Variants in SPECC1 observed in about 807,000 individuals in gnomAD.
SPECC1 encodes the protein cytospin-B.
A neutral mutation model predicts 104.1 loss-of-function variants in SPECC1; 62 were observed. The ratio of observed to expected loss-of-function variants is 0.60; its 90% CI spans 0.49 to 0.74. The LOEUF (loss-of-function observed/expected upper bound fraction) is 0.74. Among genes scored for constraint, SPECC1 ranks in the 30% least tolerant of loss-of-function variants. The pLI is 0.00. For synonymous variants in SPECC1, 513 were observed against 501.6 expected, an observed-to-expected ratio of 1.02 and a Z score of -0.30; for missense variants, 1,306 against 1,310.5, an observed-to-expected ratio of 1.00 and a Z score of 0.05.
At chr17:20,192,958 A>G (rs1377084037) in intron 3 of SPECC1, among the ~76,000 whole-genome samples, 1 of 152,218 alleles carries the variant, frequency 6.6e-6, no homozygotes, top group Non-Finnish European at 1.5e-5. Flanking sequence ...TCCACAGTGC[A>G]AAGTGAAAGC....
intron 1 of SPECC1, among the ~76,000 whole-genome samples, chr17:20,013,775 T>C (rs1456689101): frequency 6.6e-6 from 1 of 152,106 alleles, no homozygotes. Flanking sequence ...AGTGCTGAGA[T>C]TACAGGCATG....
chr17:20,231,934 G>C (rs549775446), intron 6 of SPECC1, 103 bp downstream of exon 6: 1 of 1,214,246 alleles, frequency 8.2e-7, no homozygotes, highest in Non-Finnish European at 1.2e-6. Flanking sequence ...ACGTTTCCAC[G>C]GCATGGTGGG....
chr17:20,201,874 GA>G (rs1210644143), intron 3 of SPECC1, among the ~76,000 whole-genome samples: 1 of 151,974 alleles, frequency 6.6e-6, no homozygotes, highest in Non-Finnish European at 1.5e-5. Flanking sequence ...AAATACATTG[GA>G]AAATTATTTG....
intron 3 of SPECC1, among the ~76,000 whole-genome samples, chr17:20,149,292 C>T (rs1367023038): frequency 2.0e-5 from 3 of 152,142 alleles, no homozygotes; most frequent in African/African-American, 7.2e-5. Context: ...GGACTGCTGT[C>T]CTTAGAAAGG....
At chr17:20,280,978 T>C (rs1289861871) in intron 12 of SPECC1, among the ~76,000 whole-genome samples, 3 of 152,250 alleles carry the variant, frequency 2.0e-5, no homozygotes, top group Admixed American at 6.5e-5. Context: ...TAAAGTCATA[T>C]TCAGCTGCGT....
intron 3 of SPECC1, among the ~76,000 whole-genome samples, chr17:20,118,388 A>G (rs1432802145): frequency 1.3e-5 from 2 of 152,228 alleles, no homozygotes; most frequent in Admixed American, 6.5e-5. Context: ...ATGATTATTT[A>G]TAATAGTATA....
chr17:20,199,080 C>CTT (rs562975649), intron 3 of SPECC1, among the ~76,000 whole-genome samples: 50 of 76,582 alleles, frequency 6.5e-4, no homozygotes, highest in South Asian at 1.3e-3. Flanking sequence ...CTTATGGTAG[C>CTT]TTTTTTTTTT....
At chr17:20,219,245 C>T (rs2037707338) in intron 4 of SPECC1, among the ~76,000 whole-genome samples, 2 of 152,128 alleles carry the variant, frequency 1.3e-5, no homozygotes, top group Non-Finnish European at 1.5e-5. Context: ...TCCATAGTGG[C>T]TGTACTAATT....
At chr17:20,010,477 G>A (rs2043903490) in intron 1 of SPECC1, among the ~76,000 whole-genome samples, 2 of 152,190 alleles carry the variant, frequency 1.3e-5, no homozygotes, top group African/African-American at 2.4e-5. Flanking sequence ...TGGGGGAGGA[G>A]GGAGGAGCAC....
intron 12 of SPECC1, among the ~76,000 whole-genome samples, chr17:20,277,675 C>G (rs1320578715): frequency 6.6e-6 from 1 of 152,192 alleles, no homozygotes; most frequent in African/African-American, 2.4e-5. Context: ...CTTTCTATTT[C>G]CGAAATGTTT....
At chr17:20,028,403 A>C (rs955446573) in intron 1 of SPECC1, among the ~76,000 whole-genome samples, 1 of 152,030 alleles carries the variant, frequency 6.6e-6, no homozygotes. Flanking sequence ...GGGAGGCCAC[A>C]GTGGGAGGAT....
intron 1 of SPECC1, among the ~76,000 whole-genome samples, chr17:20,036,257 G>GTA (rs2045074421): frequency 1.3e-5 from 2 of 152,182 alleles, no homozygotes; most frequent in African/African-American, 4.8e-5. Context: ...AGCCTCCCAA[G>GTA]TAGCTGGGTC....
At chr17:20,041,128 T>G (rs1401960592) in intron 1 of SPECC1, among the ~76,000 whole-genome samples, 1 of 152,180 alleles carries the variant, frequency 6.6e-6, no homozygotes, top group Non-Finnish European at 1.5e-5. Context: ...TAATTTCTAT[T>G]ATTTTCTGTT....
In SPECC1 at chr17:20,086,300, C is replaced by T. The variant is rs142727969; in HGVS notation, c.-21-10331C>T. On this transcript the variant is annotated intron_variant, in intron 1 of 14. Transcript: ENST00000395527. Reference sequence around the variant, plus strand: ...CATGTTGCCTTGATGGCCCTGTTCCCACCTCCTGTCTCTCCCCCTAGGCCA... The same window carrying T: ...CATGTTGCCTTGATGGCCCTGTTCCTACCTCCTGTCTCTCCCCCTAGGCCA... 3.4e-3 allele frequency among the ~76,000 whole-genome samples: 523 copies of T among 152,280 alleles called. 2 individuals carry two copies. Among genetic ancestry groups the T allele is most frequent in the African/African-American group, 8.1e-3 (335 of 41,560 alleles).
intron 1 of SPECC1, among the ~76,000 whole-genome samples, chr17:20,053,007 T>C (rs1047460592): frequency 2.0e-5 from 3 of 152,172 alleles, no homozygotes; most frequent in Non-Finnish European, 4.4e-5. Context: ...GAAGTGTCCC[T>C]CTCTTGGCCC....
At chr17:20,294,439 C>T (rs1207095066) in intron 12 of SPECC1, among the ~76,000 whole-genome samples, 2 of 152,162 alleles carry the variant, frequency 1.3e-5, no homozygotes, top group African/African-American at 4.8e-5. Flanking sequence ...TTTCTTTTCC[C>T]CCTGAGAAGC....
At chr17:20,156,014 C>T in intron 3 of SPECC1, 1 of 1,285,868 alleles carries the variant, frequency 7.8e-7, no homozygotes, top group Non-Finnish European at 9.8e-7. Flanking sequence ...GCGGGGCCCA[C>T]GGGCGCGGGA....
intron 3 of SPECC1, among the ~76,000 whole-genome samples, chr17:20,184,833 AC>A (rs1279669094): frequency 6.6e-6 from 1 of 152,252 alleles, no homozygotes; most frequent in Non-Finnish European, 1.5e-5. Flanking sequence ...AAAGTGCTGA[AC>A]ATATTTTCAT....
rs1360344566 is a variant in SPECC1, at chr17:20,239,177, G to C, written c.2352-6749G>C. The C allele has an allele frequency of 2.9e-6, 3 of 1,024,212 alleles. No individual in the cohort carries two copies. The African/African-American group carries it at 5.1e-5, about 17-fold the overall frequency. 63.4% of individuals were successfully genotyped at this position (1,024,212 alleles called of 1,614,324 possible). On this transcript the variant is annotated intron_variant, in intron 7 of 14. Coordinates refer to ENST00000395527, the MANE Select transcript of SPECC1 (RefSeq NM_001243439.2). Reference sequence around the variant, plus strand: ...TATAGCATGGACTTAAAGTCTAGATGTGTTTTGTTGACATTTAAATATGAA... The same window carrying C: ...TATAGCATGGACTTAAAGTCTAGATCTGTTTTGTTGACATTTAAATATGAA...
Sources: allele counts gnomAD v4.1 joint callset (sites outside exome capture counted in the v4.1 genomes callset), GRCh38; gene constraint gnomAD v4.1.1; transcripts MANE v1.5; gene names NCBI Gene and HGNC (gene_info 2026-07-23, HGNC 2026-07-21).